GDPD4: variants seen among roughly 807,000 people sequenced by gnomAD.
GDPD4 encodes glycerophosphodiester phosphodiesterase 6.
A neutral mutation model predicts 67.8 loss-of-function variants in GDPD4; 60 were observed. That is an observed-to-expected ratio of 0.88 (90% CI 0.72 to 1.10). GDPD4 has a LOEUF of 1.10. Ranked by LOEUF, GDPD4 falls within the 50% of genes least tolerant of loss-of-function variation. The pLI is 0.00. For synonymous variants in GDPD4, 212 were observed against 210.9 expected (o/e 1.00, Z -0.04); for missense variants, 623 against 613.9 (o/e 1.01, Z -0.16).
chr11:77,291,012 C>T (rs1420574760), intron 1 of GDPD4, among the ~76,000 whole-genome samples: 3 of 152,178 alleles, frequency 2.0e-5, no homozygotes, highest in Non-Finnish European at 4.4e-5. Flanking sequence ...AGCAATTCCA[C>T]CACTTGGTAG....
At chr11:77,272,289 C>A (rs1959251698) in intron 5 of GDPD4, among the ~76,000 whole-genome samples, 2 of 152,190 alleles carry the variant, frequency 1.3e-5, no homozygotes, top group Non-Finnish European at 2.9e-5. Flanking sequence ...CCAAATTTAA[C>A]AAGGACATTA....
chr11:77,282,374 G>A (rs1959793847), intron 3 of GDPD4, among the ~76,000 whole-genome samples: 1 of 152,092 alleles, frequency 6.6e-6, no homozygotes, highest in Non-Finnish European at 1.5e-5. Context: ...AGAACACAGG[G>A]CTGGGTGCGG....
chr11:77,282,960 A>G (rs1259852165), intron 3 of GDPD4, among the ~76,000 whole-genome samples: 1 of 152,250 alleles, frequency 6.6e-6, no homozygotes, highest in East Asian at 1.9e-4. Flanking sequence ...TAGTATAGCT[A>G]TATTAGTTAT....
At chr11:77,270,846 CA>C in intron 7 of GDPD4, 1 of 327,752 alleles carries the variant, frequency 3.1e-6, no homozygotes, top group Non-Finnish European at 5.5e-6. Flanking sequence ...CATCCATCTT[CA>C]GACAGTCAAT....
chr11:77,259,375 C>G lies in GDPD4; in HGVS notation c.708-833G>C, dbSNP rs150127805. On this transcript the variant is annotated intron_variant, in intron 10 of 16. Transcript: ENST00000315938. ...ATCTGCAATTTGCTTTGGAGAATCT[C>G]TGATTTTATGAAACTATCTCTCCCT... Among the ~76,000 whole-genome samples the G allele has an allele frequency of 1.0e-3, 155 of 152,210 alleles. No homozygotes were observed. In the East Asian group the frequency reaches 0.01, roughly 10 times the overall value.
At chr11:77,277,564 G>A (rs982534965) in intron 4 of GDPD4, among the ~76,000 whole-genome samples, 1 of 151,092 alleles carries the variant, frequency 6.6e-6, no homozygotes, top group Non-Finnish European at 1.5e-5. Context: ...CACCACGCCT[G>A]GCTAATTTTT....
At chr11:77,227,742 A>ACCC in intron 16 of GDPD4, 122 bp downstream of exon 16, 2 of 624,132 alleles carry the variant, frequency 3.2e-6, no homozygotes, top group Non-Finnish European at 3.0e-6. Flanking sequence ...CCCTCCCCCA[A>ACCC]CCCCACCCCC....
intron 11 of GDPD4, among the ~76,000 whole-genome samples, chr11:77,249,979 T>C (rs1465148534): frequency 6.6e-6 from 1 of 152,344 alleles, no homozygotes; most frequent in African/African-American, 2.4e-5. Flanking sequence ...TTTGTACAGT[T>C]TTTAAAAAGT....
chr11:77,276,376 T>G (rs1793488), intron 4 of GDPD4, among the ~76,000 whole-genome samples, 156 bp from the exon 5 acceptor site: 1 of 152,048 alleles, frequency 6.6e-6, no homozygotes, highest in Admixed American at 6.5e-5. Context: ...GTTTTCCATG[T>G]TGTTTGCCTG....
At chr11:77,229,322 T>A (rs1958409686) in intron 14 of GDPD4, 90 bp from the exon 15 acceptor site, 2 of 734,258 alleles carry the variant, frequency 2.7e-6, no homozygotes, top group Admixed American at 5.3e-5. Context: ...CTGCCAGGGC[T>A]GGAGGAGGAG....
intron 3 of GDPD4, among the ~76,000 whole-genome samples, chr11:77,282,693 A>AACAAC: frequency 6.6e-6 from 1 of 151,748 alleles, no homozygotes; most frequent in Admixed American, 6.6e-5. Context: ...CCTCAAAAAA[A>AACAAC]AACAACAACA....
intron 13 of GDPD4, among the ~76,000 whole-genome samples, chr11:77,234,188 T>C (rs890530576): frequency 6.6e-6 from 1 of 152,180 alleles, no homozygotes; most frequent in African/African-American, 2.4e-5. Flanking sequence ...ATAATAATAA[T>C]GCCTCCTTAA....
chr11:77,256,243 A>C (rs1177948242), intron 11 of GDPD4, among the ~76,000 whole-genome samples: 1 of 152,236 alleles, frequency 6.6e-6, no homozygotes, highest in African/African-American at 2.4e-5. Context: ...CTTTTCATCT[A>C]GAACACACCT....
intron 1 of GDPD4, among the ~76,000 whole-genome samples, chr11:77,300,292 C>T (rs1017294927): frequency 6.6e-6 from 1 of 152,136 alleles, no homozygotes; most frequent in African/African-American, 2.4e-5. Flanking sequence ...GCAGGGGCCA[C>T]GTGTGTCAGG....
intron 4 of GDPD4, 26 bp downstream of exon 4, chr11:77,279,280 T>C: frequency 6.9e-7 from 1 of 1,449,546 alleles, no homozygotes; most frequent in Non-Finnish European, 9.7e-7. Flanking sequence ...AGGAAGGGAG[T>C]GGAAGAAATG....
At chr11:77,268,562 G>GC in intron 9 of GDPD4, 23 bp from the exon 10 acceptor site, 2 of 1,544,712 alleles carry the variant, frequency 1.3e-6, no homozygotes, top group Non-Finnish European at 1.8e-6. Context: ...AGGACATCAG[G>GC]CCCTAAGCCT....
At chr11:77,263,106 C>A (rs993376419) in intron 10 of GDPD4, among the ~76,000 whole-genome samples, 5 of 151,794 alleles carry the variant, frequency 3.3e-5, no homozygotes, top group Admixed American at 6.6e-5. Context: ...TTCCAGCATA[C>A]CTTTACTGTA....
chr11:77,279,585 A>G (rs1305879703), intron 3 of GDPD4, among the ~76,000 whole-genome samples, 186 bp from the exon 4 acceptor site: 1 of 151,492 alleles, frequency 6.6e-6, no homozygotes, highest in Non-Finnish European at 1.5e-5. Context: ...TCTGTAGGCA[A>G]TTGGGGATGT....
At chr11:77,286,535 A>G (rs1395293053) in intron 2 of GDPD4, among the ~76,000 whole-genome samples, 1 of 152,190 alleles carries the variant, frequency 6.6e-6, no homozygotes, top group African/African-American at 2.4e-5. Context: ...CCTCAGGTAT[A>G]AGAAATTAAT....
Sources: gnomAD v4.1 joint callset for allele counts (sites outside exome capture counted in the v4.1 genomes callset) on GRCh38, gnomAD v4.1.1 for gene constraint, MANE v1.5 for transcripts, NCBI Gene and HGNC (gene_info 2026-07-23, HGNC 2026-07-21) for gene names.